HELLS: variants seen among roughly 807,000 people sequenced by gnomAD.
HELLS encodes helicase, lymphoid specific, also known as lymphoid-specific helicase.
HELLS carries 32 observed loss-of-function variants against 120.0 expected under a neutral mutation model. The ratio of observed to expected loss-of-function variants is 0.27; its 90% CI spans 0.20 to 0.36. The LOEUF (loss-of-function observed/expected upper bound fraction) is 0.36. Among genes scored for constraint, HELLS ranks in the 10% least tolerant of loss-of-function variants. HELLS has a pLI of 1.00. For synonymous variants in HELLS, 341 were observed against 323.4 expected, an observed-to-expected ratio of 1.05 and a Z score of -0.58; for missense variants, 650 against 993.4, an observed-to-expected ratio of 0.65 and a Z score of 4.65.
intron 6 of HELLS, 167 bp from the exon 7 acceptor site, chr10:94,571,221 A>T: frequency 2.0e-6 from 1 of 497,254 alleles, no homozygotes; most frequent in Non-Finnish European, 3.6e-6. Context: ...AAATATTATG[A>T]GCCAGTAATG....
At chr10:94,567,449 C>T (rs1429375573) in intron 6 of HELLS, among the ~76,000 whole-genome samples, 1 of 152,150 alleles carries the variant, frequency 6.6e-6, no homozygotes, top group East Asian at 1.9e-4. Context: ...CAGGCATGTG[C>T]CACCACGCCT....
rs1842766797 is a variant in HELLS, at chr10:94,546,653, G to A, written c.153+155G>A. On this transcript the variant is annotated intron_variant, in intron 2 of 21. Coordinates refer to ENST00000348459, the MANE Select transcript of HELLS (RefSeq NM_018063.5). Reference sequence around the variant, plus strand: ...TACTTGTCTTTTTTGTATGTTTACAGATATTGCCTTTGAGAATCCTTTCGC... The same window carrying A: ...TACTTGTCTTTTTTGTATGTTTACAAATATTGCCTTTGAGAATCCTTTCGC... 3.3e-5 allele frequency among the ~76,000 whole-genome samples: 5 copies of A among 152,184 alleles called. No individual in the cohort carries two copies. The South Asian group carries it at 1.0e-3, about 32-fold the overall frequency.
chr10:94,586,412 C>T (rs377183232), intron 12 of HELLS, among the ~76,000 whole-genome samples: 8 of 152,198 alleles, frequency 5.3e-5, no homozygotes, highest in Non-Finnish European at 1.2e-4. Flanking sequence ...TGAGCCACCG[C>T]GCCCGGCCGG....
chr10:94,563,159 T>C (rs1843634719), intron 6 of HELLS, among the ~76,000 whole-genome samples: 1 of 151,728 alleles, frequency 6.6e-6, no homozygotes, highest in African/African-American at 2.4e-5. Flanking sequence ...GCAGTGTCAC[T>C]ATATCTGCTC....
chr10:94,576,865 A>G (rs1285195751), intron 10 of HELLS, 60 bp downstream of exon 10: 25 of 1,431,738 alleles, frequency 1.7e-5, no homozygotes, highest in Non-Finnish European at 2.0e-5. Context: ...CTTCATTTAT[A>G]TCACTTTCTC....
chr10:94,607,848 C>T (rs1846144453), intron 8 of HELLS: 1 of 337,164 alleles, frequency 3.0e-6, no homozygotes, highest in Non-Finnish European at 6.0e-6. Context: ...CTGCATCAGC[C>T]TCCTGGGTAG....
At chr10:94,583,610 A>G (rs1844980756) in intron 12 of HELLS, among the ~76,000 whole-genome samples, 1 of 152,164 alleles carries the variant, frequency 6.6e-6, no homozygotes, top group African/African-American at 2.4e-5. Flanking sequence ...AGTGAAAAGT[A>G]AAAATATCAC....
rs535488814 is a variant in HELLS, at chr10:94,545,858, A to G, written c.-64A>G. On this transcript the variant is annotated 5_prime_UTR_variant, in exon 1 of 22. Transcript: ENST00000348459. ...GGCTGGGCCGGCAGCGGTTGTGAGG[A>G]GTTAGCTCGCGGCATTGCAGGCTCT... 124 of 1,518,086 alleles carry G rather than the reference A, an allele frequency of 8.2e-5. 2 individuals carry two copies. The South Asian group carries it at 1.2e-3, about 15-fold the overall frequency. The allele number at this position is 1,518,086 out of a possible 1,614,324, so 94.0% of individuals were successfully genotyped here. A position where few individuals can be genotyped will look rare whatever the true frequency, so the allele number is the denominator to read the frequency against.
At chr10:94,597,132 T>TA (rs753896136) in intron 21 of HELLS, 21 bp downstream of exon 21, 794 of 1,395,524 alleles carry the variant, frequency 5.7e-4, no homozygotes, top group Non-Finnish European at 7.0e-4. Context: ...TGCTTTTTTT[T>TA]AATGGAAGCT....
At chr10:94,572,339 A>C (rs907211185) in intron 7 of HELLS, among the ~76,000 whole-genome samples, 2 of 152,180 alleles carry the variant, frequency 1.3e-5, no homozygotes, top group Non-Finnish European at 2.9e-5. Flanking sequence ...CACTTGTGTA[A>C]CCACCATCCA....
Position 94,574,710 on chromosome 10 carries a change from G to T in HELLS, c.862G>T (p.Ala288Ser). The part of the protein sequence containing the change: ...GPLSTLPNWM[A>S]EFKRFTPDIP... The stretch of plus-strand genomic sequence containing the variant: ...TTTGTCTACACTTCCTAACTGGATG[G>T]CTGAATTCAAAAGATTTACACCAGA... Residue 288 changes from alanine to serine, a missense_variant, in exon 9 of 22, where the codon GCT becomes TCT. Physicochemically the swap from Ala to Ser is moderately conservative, Grantham distance 99. This residue lies in a region of HELLS where 61 missense variants were observed against 86.5 expected (regional missense o/e 0.71). Transcript: ENST00000348459. 1.2e-6 allele frequency: 2 copies of T among 1,613,104 alleles called. No homozygotes were observed. Among genetic ancestry groups the T allele is most frequent in the Non-Finnish European group, 1.7e-6 (2 of 1,179,532 alleles).
intron 4 of HELLS, among the ~76,000 whole-genome samples, chr10:94,559,007 G>A (rs1843414455): frequency 6.6e-6 from 1 of 152,066 alleles, no homozygotes; most frequent in Admixed American, 6.6e-5. Flanking sequence ...CATATTCAAG[G>A]ATTCTATATT....
intron 12 of HELLS, among the ~76,000 whole-genome samples, chr10:94,585,932 A>G (rs913327318): frequency 2.6e-5 from 4 of 151,970 alleles, no homozygotes; most frequent in Non-Finnish European, 4.4e-5. Flanking sequence ...AAGCTTGTAT[A>G]CTAGGAAAAA....
At chr10:94,555,281 A>C (rs567732166) in intron 3 of HELLS, among the ~76,000 whole-genome samples, 172 of 152,264 alleles carry the variant, frequency 1.1e-3, no homozygotes, top group Non-Finnish European at 1.3e-4. Context: ...TACCAAAAAT[A>C]TAAAAATTAG....
At chr10:94,577,156 C>A in intron 10 of HELLS, 1 of 399,786 alleles carries the variant, frequency 2.5e-6, no homozygotes, top group Non-Finnish European at 4.8e-6. Context: ...TATTTGAAGA[C>A]AAGTTATTTT....
chr10:94,573,874 G>T lies in HELLS; in HGVS notation c.478-86G>T. 3 of 743,748 alleles carry T rather than the reference G, an allele frequency of 4.0e-6. No homozygotes were observed. The East Asian group carries it at 7.4e-5, about 18-fold the overall frequency. The allele number at this position is 743,748 out of a possible 1,614,324, so 46.1% of individuals were successfully genotyped here. A position where few individuals can be genotyped will look rare whatever the true frequency, so the allele number is the denominator to read the frequency against. ...TACTTAATGATTATAGGACTCAGTAGATTTTGTTAGTTGCATTTTCTGATA... is the reference window on the plus strand; with the variant it reads ...TACTTAATGATTATAGGACTCAGTATATTTTGTTAGTTGCATTTTCTGATA... On this transcript the variant is annotated intron_variant, in intron 7 of 21. Coordinates refer to ENST00000348459, the MANE Select transcript of HELLS (RefSeq NM_018063.5).
chr10:94,565,719 A>G (rs1236481868), intron 6 of HELLS, among the ~76,000 whole-genome samples: 1 of 152,206 alleles, frequency 6.6e-6, no homozygotes, highest in Non-Finnish European at 1.5e-5. Context: ...TTAATATGCC[A>G]TACTGAAGTT....
intron 21 of HELLS, among the ~76,000 whole-genome samples, 198 bp downstream of exon 21, chr10:94,597,309 A>G (rs1845786423): frequency 6.6e-6 from 1 of 152,192 alleles, no homozygotes; most frequent in Non-Finnish European, 1.5e-5. Flanking sequence ...CTTCTTCCAT[A>G]ATTCAGATAT....
At chr10:94,554,319 T>A in intron 3 of HELLS, 71 bp downstream of exon 3, 1 of 1,096,652 alleles carries the variant, frequency 9.1e-7, no homozygotes, top group Non-Finnish European at 1.3e-6. Context: ...AAGTGTATAT[T>A]ATATACAGTA....
Sources: allele counts gnomAD v4.1 joint callset (sites outside exome capture counted in the v4.1 genomes callset), GRCh38; gene constraint gnomAD v4.1.1; regional missense constraint gnomAD v4.1.1; transcripts MANE v1.5; gene names NCBI Gene and HGNC (gene_info 2026-07-23, HGNC 2026-07-21).